Variants in FER observed in about 807,000 individuals in gnomAD.
FER encodes FER tyrosine kinase.
FER carries 63 observed loss-of-function variants against 111.0 expected under a neutral mutation model. The observed-to-expected ratio is 0.57, with a 90% CI of 0.46 to 0.70. The LOEUF (loss-of-function observed/expected upper bound fraction) is 0.70, where lower values mean the gene tolerates loss of function less well. Ranked by LOEUF, FER falls within the 30% of genes least tolerant of loss-of-function variation. FER has a pLI of 0.00. For missense variants in FER, 914 were observed against 954.0 expected, an observed-to-expected ratio of 0.96 and a Z score of 0.55; for synonymous variants, 327 against 313.9, an observed-to-expected ratio of 1.04 and a Z score of -0.44.
intron 5 of FER, among the ~76,000 whole-genome samples, chr5:108,836,718 AAT>A (rs1760699200): frequency 6.6e-6 from 1 of 152,088 alleles, no homozygotes; most frequent in African/African-American, 2.4e-5. Flanking sequence ...GCACAATGAA[AAT>A]ATTGTTGTTA....
intron 16 of FER, among the ~76,000 whole-genome samples, chr5:109,076,230 A>G (rs187528476): frequency 3.3e-5 from 5 of 152,300 alleles, no homozygotes; most frequent in Admixed American, 2.6e-4. Context: ...ATCTTCTATC[A>G]TGTAACAAAA....
At chr5:108,794,711 C>G (rs973555064) in intron 2 of FER, among the ~76,000 whole-genome samples, 2 of 151,938 alleles carry the variant, frequency 1.3e-5, no homozygotes, top group African/African-American at 2.4e-5. Context: ...TTTCATGCCA[C>G]TCTCTCCTGC....
intron 5 of FER, among the ~76,000 whole-genome samples, chr5:108,865,659 TG>T (rs1763970021): frequency 6.6e-6 from 1 of 152,078 alleles, no homozygotes; most frequent in Admixed American, 6.6e-5. Context: ...GCCTACAGAA[TG>T]GGAGAAAATT....
intron 2 of FER, among the ~76,000 whole-genome samples, chr5:108,790,303 T>G (rs1276120150): frequency 6.6e-6 from 1 of 151,504 alleles, no homozygotes; most frequent in Non-Finnish European, 1.5e-5. Flanking sequence ...ATGTGATTTT[T>G]TTTCTCTATT....
intron 16 of FER, chr5:109,052,595 G>C (rs879474232): frequency 6.2e-5 from 36 of 583,802 alleles, no homozygotes; most frequent in Non-Finnish European, 9.1e-5. Context: ...CTCCGCTGCT[G>C]TTTGTTACTT....
chr5:109,006,834 A>C (rs943819478), intron 13 of FER, among the ~76,000 whole-genome samples: 4 of 152,160 alleles, frequency 2.6e-5, no homozygotes, highest in South Asian at 4.1e-4. Flanking sequence ...GGGGGGAAAA[A>C]AAATCTTACC....
At chr5:109,100,277 A>G in intron 16 of FER, 119 bp from the exon 17 acceptor site, 1 of 1,232,232 alleles carries the variant, frequency 8.1e-7, no homozygotes, top group Admixed American at 2.4e-5. Context: ...TTGGGCAAAA[A>G]GCATGGCCAA....
At position 108,944,108 on chromosome 5, in the gene FER, TACACACAC is replaced by T. The variant is rs34138754; in HGVS notation, c.1237-1996_1237-1989del. Reference sequence around the variant, plus strand: ...AGTCTCTTAGTTTTATGTGTATGTGTACACACACACACACACACACACACACACACACA... The same window carrying T: ...AGTCTCTTAGTTTTATGTGTATGTGTACACACACACACACACACACACACA... On this transcript the variant is annotated intron_variant, in intron 10 of 19. Coordinates refer to ENST00000281092, the MANE Select transcript of FER (RefSeq NM_005246.4). Among the ~76,000 whole-genome samples, 1,109 of 145,728 alleles carry T rather than the reference TACACACAC, an allele frequency of 7.6e-3. 14 individuals carry two copies. Among genetic ancestry groups the T allele is most frequent in the African/African-American group, 0.026 (1,025 of 39,512 alleles).
At chr5:108,896,752 T>A (rs1269596239) in intron 9 of FER, among the ~76,000 whole-genome samples, 1 of 152,244 alleles carries the variant, frequency 6.6e-6, no homozygotes, top group African/African-American at 2.4e-5. Flanking sequence ...ATTCAGTTTA[T>A]GTTGAGACTT....
chr5:108,760,593 T>G (rs1262704740), intron 1 of FER, among the ~76,000 whole-genome samples: 2 of 152,204 alleles, frequency 1.3e-5, no homozygotes, highest in African/African-American at 4.8e-5. Flanking sequence ...CACCTTGCAC[T>G]TTTATGTTGA....
rs1758011842 is a variant in FER at position 109,179,084 on chromosome 5, A to T, written c.2049-1663A>T. On this transcript the variant is annotated intron_variant, in intron 17 of 19. Coordinates refer to ENST00000281092, the MANE Select transcript of FER (RefSeq NM_005246.4). The stretch of plus-strand genomic sequence containing the variant: ...ACAAGAATACTTTGTGTATTTTTGC[A>T]GCCTTGTAAATCATTAATTCTAGTT... 2.6e-5 allele frequency among the ~76,000 whole-genome samples: 4 copies of T among 152,204 alleles called. No individual in the cohort carries two copies. In the South Asian group the frequency reaches 8.3e-4, roughly 31 times the overall value.
chr5:109,115,492 A>G (rs1750115871), intron 17 of FER, among the ~76,000 whole-genome samples: 1 of 152,128 alleles, frequency 6.6e-6, no homozygotes, highest in African/African-American at 2.4e-5. Flanking sequence ...ATCTTAACTA[A>G]TTATCTCTAC....
chr5:109,068,025 A>G (rs1402889931), intron 16 of FER, among the ~76,000 whole-genome samples: 1 of 151,906 alleles, frequency 6.6e-6, no homozygotes, highest in Non-Finnish European at 1.5e-5. Context: ...GTCAGAAAGT[A>G]TTTTTTTTCT....
At chr5:108,845,024 A>ATATATG (rs1761819153) in intron 5 of FER, among the ~76,000 whole-genome samples, 3 of 52,142 alleles carry the variant, frequency 5.8e-5, no homozygotes, top group Non-Finnish European at 1.1e-4. Flanking sequence ...ATATATATAT[A>ATATATG]TATATATATA....
chr5:109,079,373 G>C (rs1776728402), intron 16 of FER, among the ~76,000 whole-genome samples: 1 of 152,082 alleles, frequency 6.6e-6, no homozygotes, highest in Non-Finnish European at 1.5e-5. Context: ...TTGGAAAGTG[G>C]GAGATACTGG....
intron 13 of FER, among the ~76,000 whole-genome samples, chr5:108,974,495 A>G (rs772099148): frequency 2.6e-5 from 4 of 152,236 alleles, no homozygotes; most frequent in African/African-American, 4.8e-5. Context: ...TACATTAGTC[A>G]TCAGGGAAAG....
chr5:109,031,947 G>A (rs1769686972), intron 13 of FER, among the ~76,000 whole-genome samples: 1 of 152,140 alleles, frequency 6.6e-6, no homozygotes, highest in Non-Finnish European at 1.5e-5. Context: ...CTTTCCTAGA[G>A]AAGCAGTGCT....
intron 2 of FER, among the ~76,000 whole-genome samples, chr5:108,786,298 T>C (rs1485481700): frequency 1.3e-5 from 2 of 152,170 alleles, no homozygotes; most frequent in East Asian, 3.9e-4. Context: ...TGACTTTCCC[T>C]AGTTTGGTCT....
At chr5:109,092,303 AAAAAAAAACAT>A (rs1746898585) in intron 16 of FER, among the ~76,000 whole-genome samples, 1 of 147,450 alleles carries the variant, frequency 6.8e-6, no homozygotes, top group South Asian at 2.1e-4. Flanking sequence ...AAAAAAAAAA[AAAAAAAAACAT>A]CAGAGGGAAA....
Sources: allele counts gnomAD v4.1 joint callset (sites outside exome capture counted in the v4.1 genomes callset), GRCh38; gene constraint gnomAD v4.1.1; transcripts MANE v1.5; gene names NCBI Gene and HGNC (gene_info 2026-07-23, HGNC 2026-07-21).